Variants in CACNA2D3 observed in about 807,000 individuals in gnomAD.
CACNA2D3 encodes calcium voltage-gated channel auxiliary subunit alpha2delta 3.
CACNA2D3 carries 60 observed loss-of-function variants against 160.6 expected under a neutral mutation model. That is an observed-to-expected ratio of 0.37 (90% CI 0.30 to 0.46). The LOEUF is 0.46. CACNA2D3 is among the 20% of genes least tolerant of loss of function. The pLI, the probability that CACNA2D3 is intolerant of heterozygous loss-of-function variation, is 1.00. For synonymous variants in CACNA2D3, 558 were observed against 492.9 expected (o/e 1.13, Z -1.75); for missense variants, 1,205 against 1,365.0 (o/e 0.88, Z 1.85).
intron 5 of CACNA2D3, among the ~76,000 whole-genome samples, chr3:54,554,411 G>A (rs777116234): frequency 5.3e-5 from 8 of 152,166 alleles, no homozygotes; most frequent in East Asian, 3.8e-4. Context: ...GAATGAAAGC[G>A]TCATCACAGT....
chr3:54,672,008 G>A (rs1437631924), intron 11 of CACNA2D3, among the ~76,000 whole-genome samples: 1 of 152,186 alleles, frequency 6.6e-6, no homozygotes, highest in Admixed American at 6.5e-5. Flanking sequence ...GATTCTCCAG[G>A]TGTACTCTGA....
Position 54,421,307 on chromosome 3 carries a change from G to A in CACNA2D3, c.381+34533G>A, listed in dbSNP as rs570493537. On this transcript the variant is annotated intron_variant, in intron 4 of 37. Transcript: ENST00000474759. ...TCTTGGATGTGCTTGCAAAAGAAATGTTCTAGAATATTTTCCCTGAGGAGG... is the reference window on the plus strand; with the variant it reads ...TCTTGGATGTGCTTGCAAAAGAAATATTCTAGAATATTTTCCCTGAGGAGG... 1.6e-4 allele frequency among the ~76,000 whole-genome samples: 25 copies of A among 152,310 alleles called. No homozygotes were observed. The East Asian group carries it at 4.8e-3, about 29-fold the overall frequency.
intron 27 of CACNA2D3, among the ~76,000 whole-genome samples, chr3:54,920,279 G>A (rs1446038481): frequency 6.6e-6 from 1 of 152,164 alleles, no homozygotes; most frequent in Non-Finnish European, 1.5e-5. Flanking sequence ...GTCATAAGTG[G>A]CCCTGTAAGT....
intron 5 of CACNA2D3, among the ~76,000 whole-genome samples, chr3:54,546,401 C>T (rs1288123750): frequency 8.5e-5 from 13 of 152,172 alleles, no homozygotes; most frequent in Admixed American, 8.5e-4. Flanking sequence ...AGAGCACTGA[C>T]ATAATTACAG....
chr3:54,415,255 T>G (rs2106737182), intron 4 of CACNA2D3, among the ~76,000 whole-genome samples: 1 of 152,306 alleles, frequency 6.6e-6, no homozygotes, highest in East Asian at 1.9e-4. Flanking sequence ...GGGAATGCCC[T>G]TAGGTTGTTG....
At chr3:54,154,484 AT>A (rs1162125306) in intron 2 of CACNA2D3, among the ~76,000 whole-genome samples, 2 of 152,190 alleles carry the variant, frequency 1.3e-5, no homozygotes, top group Non-Finnish European at 2.9e-5. Flanking sequence ...ACTAGCACAT[AT>A]GTTAAAACAG....
At chr3:54,313,991 C>T (rs1364505996) in intron 2 of CACNA2D3, among the ~76,000 whole-genome samples, 1 of 151,370 alleles carries the variant, frequency 6.6e-6, no homozygotes, top group Non-Finnish European at 1.5e-5. Context: ...TTTGGTGCAC[C>T]CATCACCCAA....
intron 11 of CACNA2D3, among the ~76,000 whole-genome samples, chr3:54,647,285 A>G (rs1023437673): frequency 1.3e-5 from 2 of 152,370 alleles, no homozygotes; most frequent in African/African-American, 4.8e-5. Context: ...GTAGCAGTAG[A>G]AAACTAACAC....
At chr3:54,736,124 T>C (rs1156613978) in intron 11 of CACNA2D3, among the ~76,000 whole-genome samples, 1 of 88,066 alleles carries the variant, frequency 1.1e-5, no homozygotes, top group Admixed American at 1.4e-4. Flanking sequence ...TATATACATA[T>C]ATATATGTAT....
intron 27 of CACNA2D3, among the ~76,000 whole-genome samples, chr3:54,910,540 A>T (rs1700533955): frequency 6.6e-6 from 1 of 151,958 alleles, no homozygotes; most frequent in Non-Finnish European, 1.5e-5. Context: ...TTCTTAGCTG[A>T]CCTCACTGTC....
At chr3:54,309,816 A>C (rs1214209641) in intron 2 of CACNA2D3, among the ~76,000 whole-genome samples, 1 of 151,994 alleles carries the variant, frequency 6.6e-6, no homozygotes, top group African/African-American at 2.4e-5. Context: ...CAACCCCCTA[A>C]GGAGGCGCTG....
chr3:54,242,944 A>G (rs1012681242), intron 2 of CACNA2D3, among the ~76,000 whole-genome samples: 21 of 152,242 alleles, frequency 1.4e-4, no homozygotes, highest in Admixed American at 2.6e-4. Context: ...GACTGACAGT[A>G]AAGCACCTTT....
At chr3:54,834,004 C>T (rs1443249825) in intron 14 of CACNA2D3, among the ~76,000 whole-genome samples, 1 of 152,136 alleles carries the variant, frequency 6.6e-6, no homozygotes, top group Non-Finnish European at 1.5e-5. Flanking sequence ...GGGCTGGTTA[C>T]AAATGAATGG....
chr3:54,859,014 A>G (rs767278226), intron 17 of CACNA2D3, among the ~76,000 whole-genome samples: 41 of 152,358 alleles, frequency 2.7e-4, no homozygotes, highest in Admixed American at 3.3e-4. Context: ...CTGGTTATAC[A>G]TTTAAATGAA....
rs1559549507 is a variant in CACNA2D3, at chr3:54,687,145, TTTTTTG to T, written c.1167+44910_1167+44915del. 4.0e-3 allele frequency among the ~76,000 whole-genome samples: 295 copies of T among 74,422 alleles called. 6 individuals carry two copies. Among genetic ancestry groups the T allele is most frequent in the Non-Finnish European group, 6.2e-3 (217 of 35,178 alleles). The allele number at this position is 74,422 out of a possible 152,430, so 48.8% of individuals were successfully genotyped here. A position where few individuals can be genotyped will look rare whatever the true frequency, so the allele number is the denominator to read the frequency against. ...TCTTTTTTTTTTTTTGTTTTTTTTT[TTTTTTG>T]TTTTTTTGACACTGGGCCTCACCCT... On this transcript the variant is annotated intron_variant, in intron 11 of 37. Transcript: ENST00000474759.
At chr3:54,232,798 G>T (rs753172055) in intron 2 of CACNA2D3, among the ~76,000 whole-genome samples, 1 of 152,200 alleles carries the variant, frequency 6.6e-6, no homozygotes, top group Admixed American at 6.5e-5. Context: ...TAAATTATGC[G>T]ATTAGAGTAG....
chr3:54,642,671 A>G (rs1167771362), intron 11 of CACNA2D3, among the ~76,000 whole-genome samples: 12 of 152,032 alleles, frequency 7.9e-5, no homozygotes, highest in Admixed American at 6.5e-4. Flanking sequence ...CCACCCAGAA[A>G]CTTCTCTCTA....
At chr3:54,823,903 A>AT (rs1327017060) in intron 14 of CACNA2D3, among the ~76,000 whole-genome samples, 1 of 152,212 alleles carries the variant, frequency 6.6e-6, no homozygotes, top group Non-Finnish European at 1.5e-5. Context: ...AGCGTACATT[A>AT]TTTTTATAAG....
chr3:55,002,277 T>C (rs1315036780), intron 31 of CACNA2D3, among the ~76,000 whole-genome samples: 1 of 152,190 alleles, frequency 6.6e-6, no homozygotes, highest in Non-Finnish European at 1.5e-5. Flanking sequence ...CTCAACCCCA[T>C]GCTGCCTCTC....
Sources: allele counts gnomAD v4.1 joint callset (sites outside exome capture counted in the v4.1 genomes callset), GRCh38; gene constraint gnomAD v4.1.1; transcripts MANE v1.5; gene names NCBI Gene and HGNC (gene_info 2026-07-23, HGNC 2026-07-21).